The following TOX2 variants were observed in gnomAD, a reference collection of about 807,000 sequenced individuals.
TOX2 encodes granulosa cell HMG box 1.
TOX2 carries 15 observed loss-of-function variants against 47.4 expected under a neutral mutation model. That is an observed-to-expected ratio of 0.32 (90% CI 0.21 to 0.49). The LOEUF (loss-of-function observed/expected upper bound fraction) is 0.49, where lower values mean the gene tolerates loss of function less well. Ranked by LOEUF, TOX2 falls within the 20% of genes least tolerant of loss-of-function variation. The pLI, the probability that TOX2 is intolerant of heterozygous loss-of-function variation, is 0.99. For synonymous variants in TOX2, 290 were observed against 296.6 expected, an observed-to-expected ratio of 0.98 and a Z score of 0.23; for missense variants, 622 against 673.1, an observed-to-expected ratio of 0.92 and a Z score of 0.84.
At position 43,915,898 on chromosome 20, in the gene TOX2, GC is replaced by G. The variant is rs1486934794; in HGVS notation, c.99+909del. On this transcript the variant is annotated intron_variant, in intron 1 of 8. Coordinates refer to ENST00000341197, the MANE Select transcript of TOX2 (RefSeq NM_001098797.2). This position sits in a 1 kb window ranked among gnomAD's most constrained non-coding sequence, Gnocchi z 7.1. ...CCAGGTCCCAGCTGCGCTGCGCCGG[GC>G]GCATTCCCAGTGATGGAGGCTTGCG... Among the ~76,000 whole-genome samples the G allele has an allele frequency of 1.3e-5, 2 of 152,226 alleles. No individual in the cohort carries two copies. Among genetic ancestry groups the G allele is most frequent in the Non-Finnish European group, 2.9e-5 (2 of 68,030 alleles).
intron 3 of TOX2, among the ~76,000 whole-genome samples, chr20:44,031,685 T>A (rs2071155015): frequency 6.6e-6 from 1 of 151,670 alleles, no homozygotes; most frequent in African/African-American, 2.4e-5. Flanking sequence ...AGCTGCCCAT[T>A]AAGAGACTTA....
At chr20:44,061,554 G>T (rs2145787310) in intron 5 of TOX2, among the ~76,000 whole-genome samples, 1 of 148,600 alleles carries the variant, frequency 6.7e-6, no homozygotes, top group African/African-American at 2.5e-5. Context: ...TTGAGAACTG[G>T]AACAAGACAA....
At chr20:44,059,374 A>G (rs1260701605) in intron 5 of TOX2, among the ~76,000 whole-genome samples, 1 of 152,150 alleles carries the variant, frequency 6.6e-6, no homozygotes, top group Non-Finnish European at 1.5e-5. Context: ...ATTATGTTAA[A>G]TGACCAAATC....
intron 2 of TOX2, among the ~76,000 whole-genome samples, chr20:43,980,067 C>T (rs1222756164): frequency 2.6e-5 from 4 of 152,156 alleles, no homozygotes; most frequent in Non-Finnish European, 4.4e-5. Context: ...TTGAAGATAT[C>T]GGCACTTCCA....
chr20:43,947,743 A>G (rs2069496746), intron 1 of TOX2, among the ~76,000 whole-genome samples: 1 of 152,220 alleles, frequency 6.6e-6, no homozygotes, highest in Non-Finnish European at 1.5e-5. Context: ...TTCCTGAACA[A>G]CTTACTGAAT....
At chr20:43,951,707 G>GTTTTTTTTTTTTTTTTCTTTTTT (rs2069572312) in intron 1 of TOX2, among the ~76,000 whole-genome samples, 1 of 55,098 alleles carries the variant, frequency 1.8e-5, no homozygotes, top group African/African-American at 5.4e-5. Flanking sequence ...AACTTATTAT[G>GTTTTTTTTTTTTTTTTCTTTTTT]TTTTTTTTTT....
chr20:44,031,098 A>G (rs893528636), intron 3 of TOX2, among the ~76,000 whole-genome samples: 2 of 152,148 alleles, frequency 1.3e-5, no homozygotes, highest in Non-Finnish European at 2.9e-5. Context: ...AGAAGCAAGC[A>G]GTTGGCGCCT....
At chr20:44,004,524 G>A (rs955879328) in intron 2 of TOX2, among the ~76,000 whole-genome samples, 2 of 152,202 alleles carry the variant, frequency 1.3e-5, no homozygotes, top group African/African-American at 4.8e-5. Context: ...AATGAGCAAG[G>A]GGCCATGTGG....
chr20:43,994,737 A>G (rs931169536), intron 2 of TOX2, among the ~76,000 whole-genome samples: 3 of 152,210 alleles, frequency 2.0e-5, no homozygotes, highest in Admixed American at 6.5e-5. Context: ...AGCTTGAGTC[A>G]GATTGTGTCC....
At chr20:44,054,757 A>G (rs1294965753) in intron 5 of TOX2, among the ~76,000 whole-genome samples, 2 of 152,096 alleles carry the variant, frequency 1.3e-5, no homozygotes, top group Non-Finnish European at 2.9e-5. Flanking sequence ...GCTTCCCGCA[A>G]CTTAACCATT....
chr20:43,980,830 A>C (rs1377252945), intron 2 of TOX2, among the ~76,000 whole-genome samples: 2 of 152,146 alleles, frequency 1.3e-5, no homozygotes, highest in Non-Finnish European at 2.9e-5. Context: ...ATTAACATAA[A>C]ACTAAATTAA....
intron 1 of TOX2, among the ~76,000 whole-genome samples, chr20:43,938,710 A>G (rs2069362162): frequency 6.6e-6 from 1 of 152,206 alleles, no homozygotes; most frequent in African/African-American, 2.4e-5. Context: ...CTGCATCTTC[A>G]TGCCCCAGGA....
rs77162677 is a variant in TOX2, at chr20:43,946,968, G to A, written c.100-26399G>A. Among the ~76,000 whole-genome samples, 759 of 152,292 alleles carry A rather than the reference G, an allele frequency of 5.0e-3. 3 individuals carry two copies. Among genetic ancestry groups the A allele is most frequent in the Non-Finnish European group, 7.9e-3 (539 of 68,030 alleles). ...CAAAAGAAGGCTCCCGCTCAGGTCC[G>A]CTTTCCGTCATTTGGAACATCCTGG... On this transcript the variant is annotated intron_variant, in intron 1 of 8. Coordinates refer to ENST00000341197, the MANE Select transcript of TOX2 (RefSeq NM_001098797.2).
chr20:43,940,845 G>A (rs1040743306), intron 1 of TOX2, among the ~76,000 whole-genome samples: 19 of 152,202 alleles, frequency 1.2e-4, no homozygotes, highest in Non-Finnish European at 1.9e-4. Flanking sequence ...CTTCCCTTGC[G>A]TGAGATTTGT....
intron 3 of TOX2, among the ~76,000 whole-genome samples, chr20:44,008,314 A>G (rs572924482): frequency 6.6e-6 from 1 of 152,048 alleles, no homozygotes; most frequent in South Asian, 2.1e-4. Context: ...TAATCCCAGC[A>G]CTTTGGGAGG....
rs2071798858 is a variant in TOX2 at position 44,065,588 on chromosome 20, G to GCTCT, written c.961-120_961-117dup. ...CCTGTGCTATCTCTGGTTAGTCCAAGCTCTCTCCCAAGACAGCCAGCCAGC... is the reference window on the plus strand; with the variant it reads ...CCTGTGCTATCTCTGGTTAGTCCAAGCTCTCTCTCTCCCAAGACAGCCAGCCAGC... On this transcript the variant is annotated intron_variant, in intron 6 of 8. Coordinates refer to ENST00000341197, the MANE Select transcript of TOX2 (RefSeq NM_001098797.2). The GCTCT allele has an allele frequency of 5.0e-6, 6 of 1,190,886 alleles. No individual in the cohort carries two copies. The East Asian group carries it at 1.4e-4, about 29-fold the overall frequency. 73.8% of individuals were successfully genotyped at this position (1,190,886 alleles called of 1,614,324 possible). A position where few individuals can be genotyped will look rare whatever the true frequency, so the allele number is the denominator to read the frequency against.
intron 3 of TOX2, among the ~76,000 whole-genome samples, chr20:44,015,220 C>T (rs2070859260): frequency 6.6e-6 from 1 of 152,154 alleles, no homozygotes; most frequent in African/African-American, 2.4e-5. Context: ...CCAGATGAAA[C>T]TCCTGGCCCC....
intron 3 of TOX2, among the ~76,000 whole-genome samples, chr20:44,034,276 C>T (rs1162151869): frequency 6.6e-6 from 1 of 151,986 alleles, no homozygotes; most frequent in African/African-American, 2.4e-5. Context: ...CCTGGCTGTC[C>T]AGGTATTGGA....
chr20:43,957,564 C>T (rs1379013246), intron 1 of TOX2, among the ~76,000 whole-genome samples: 2 of 140,388 alleles, frequency 1.4e-5, no homozygotes, highest in Non-Finnish European at 3.0e-5. Context: ...AAGTAAATGC[C>T]CTCTTTTTTT....
Sources: gnomAD v4.1 joint callset for allele counts (sites outside exome capture counted in the v4.1 genomes callset) on GRCh38, gnomAD v4.1.1 for gene constraint, Gnocchi (gnomAD v3.1) non-coding constraint, MANE v1.5 for transcripts, NCBI Gene and HGNC (gene_info 2026-07-23, HGNC 2026-07-21) for gene names.